Variants in WDFY1 observed in about 807,000 individuals in gnomAD.
WDFY1 encodes the protein WD repeat and FYVE domain containing 1.
WDFY1 carries 32 observed loss-of-function variants against 56.4 expected under a neutral mutation model. That is an observed-to-expected ratio of 0.57 (90% CI 0.43 to 0.76). WDFY1 has a LOEUF of 0.76. Ranked by LOEUF, WDFY1 falls within the 30% of genes least tolerant of loss-of-function variation. The pLI is 0.00. For missense variants in WDFY1, 480 were observed against 545.7 expected, an observed-to-expected ratio of 0.88 and a Z score of 1.20; for synonymous variants, 192 against 197.3, an observed-to-expected ratio of 0.97 and a Z score of 0.23.
intron 2 of WDFY1, among the ~76,000 whole-genome samples, chr2:223,913,212 C>CAAAAAAA (rs60874770): frequency 5.0e-5 from 3 of 59,796 alleles, no homozygotes; most frequent in Non-Finnish European, 8.6e-5. Flanking sequence ...AACTCCATCT[C>CAAAAAAA]AAAAAAAAAA....
At position 223,875,594 on chromosome 2, in the gene WDFY1, CAATT is replaced by C. The variant is rs1692954755; in HGVS notation, c.*3073_*3076del. The C allele has an allele frequency of 2.6e-5, 4 of 152,148 alleles. No homozygotes were observed. The highest frequency in any genetic ancestry group is 2.6e-4 in the Admixed American group (4 of 15,270). 9.4% of individuals were successfully genotyped at this position (152,148 alleles called of 1,614,324 possible). A position where few individuals can be genotyped will look rare whatever the true frequency, so the allele number is the denominator to read the frequency against. On this transcript the variant is annotated 3_prime_UTR_variant, in exon 12 of 12. Coordinates refer to ENST00000233055, the MANE Select transcript of WDFY1 (RefSeq NM_020830.5). Reference sequence around the variant, plus strand: ...TGTACTCTAATACAAATTTGTTGCACAATTAAACTTCAACTTACTCAAAGAGTTA... The same window carrying C: ...TGTACTCTAATACAAATTTGTTGCACAAACTTCAACTTACTCAAAGAGTTA...
chr2:223,886,236 G>A (rs1480295022), intron 8 of WDFY1, among the ~76,000 whole-genome samples: 1 of 152,074 alleles, frequency 6.6e-6, no homozygotes, highest in Non-Finnish European at 1.5e-5. Flanking sequence ...CTACTTGGGA[G>A]GCTGAGGCAG....
Position 223,918,004 on chromosome 2 carries a change from G to T in WDFY1, c.144C>A (p.Ile48=). The stretch of plus-strand genomic sequence containing the variant: ...CACTGTCTCTTTTCAGCCATACCCG[G>T]ATGGTTCTGTGGAGAAAAGAAAAGA... The part of the protein sequence containing the change: ...GVITASEDRT[I]RVWLKRDSGQ... Residue 48 remains isoleucine (I), a synonymous_variant, in exon 2 of 12, where the codon ATC becomes ATA. Coordinates refer to ENST00000233055, the MANE Select transcript of WDFY1 (RefSeq NM_020830.5). 5 of 1,613,962 alleles carry T rather than the reference G, an allele frequency of 3.1e-6. No individual in the cohort carries two copies. The highest frequency in any genetic ancestry group is 4.2e-6 in the Non-Finnish European group (5 of 1,179,966).
intron 8 of WDFY1, among the ~76,000 whole-genome samples, chr2:223,887,556 A>G (rs1028017080): frequency 6.6e-6 from 1 of 152,248 alleles, no homozygotes; most frequent in Non-Finnish European, 1.5e-5. Context: ...CCTGACTTGC[A>G]AACTTGCCCA....
At chr2:223,923,337 A>G (rs1038184420) in intron 1 of WDFY1, among the ~76,000 whole-genome samples, 3 of 152,222 alleles carry the variant, frequency 2.0e-5, no homozygotes, top group Admixed American at 6.5e-5. Flanking sequence ...AAATAGTTTT[A>G]AGTTGGGCCA....
At chr2:223,936,512 G>A (rs1574783202) in intron 1 of WDFY1, among the ~76,000 whole-genome samples, 1 of 152,162 alleles carries the variant, frequency 6.6e-6, no homozygotes, top group African/African-American at 2.4e-5. Flanking sequence ...CAGTTAATAG[G>A]CTTTGAAAAA....
chr2:223,896,315 A>C (rs992791487), intron 6 of WDFY1, among the ~76,000 whole-genome samples: 1 of 143,254 alleles, frequency 7.0e-6, no homozygotes, highest in Non-Finnish European at 1.5e-5. Flanking sequence ...AAAACCAGTA[A>C]AGTTTACTGT....
intron 2 of WDFY1, among the ~76,000 whole-genome samples, chr2:223,915,459 T>C (rs760627163): frequency 3.9e-5 from 6 of 152,164 alleles, no homozygotes; most frequent in Non-Finnish European, 8.8e-5. Context: ...AATTACAAAG[T>C]TGTACTATTT....
At chr2:223,945,009 C>T (rs915847805) in intron 1 of WDFY1, 139 bp downstream of exon 1, 47 of 1,021,738 alleles carry the variant, frequency 4.6e-5, no homozygotes, top group Non-Finnish European at 5.8e-5. Flanking sequence ...CCCGGCGGAG[C>T]TAAGGGGCGC....
rs776156042 is a variant in WDFY1 at position 223,880,246 on chromosome 2, A to G, written c.1065-14T>C. 6.2e-7 allele frequency: 1 copy of G among 1,612,246 alleles called. No individual in the cohort carries two copies. Among genetic ancestry groups the G allele is most frequent in the Non-Finnish European group, 8.5e-7 (1 of 1,178,552 alleles). On this transcript the variant is annotated splice_polypyrimidine_tract_variant and intron_variant, in intron 10 of 11. Coordinates refer to ENST00000233055, the MANE Select transcript of WDFY1 (RefSeq NM_020830.5). ...AGAGAAGTCCGACTAACAAGAGAAA[A>G]GAGATCACTGAAAATTTACTTGACT...
chr2:223,934,081 CTTTTTT>C (rs201021204), intron 1 of WDFY1, among the ~76,000 whole-genome samples: 1,820 of 136,022 alleles, frequency 0.013, 20 homozygotes, highest in African/African-American at 0.045. Context: ...TTTTTCTTTT[CTTTTTT>C]TTTTTTTTTT....
intron 8 of WDFY1, among the ~76,000 whole-genome samples, chr2:223,892,014 G>T (rs999573713): frequency 2.0e-5 from 3 of 151,924 alleles, no homozygotes; most frequent in Non-Finnish European, 4.4e-5. Context: ...TTTGCTCGTC[G>T]CCCAGGTTGG....
intron 9 of WDFY1, among the ~76,000 whole-genome samples, 155 bp from the exon 10 acceptor site, chr2:223,882,227 G>A (rs1693085434): frequency 6.6e-6 from 1 of 152,164 alleles, no homozygotes; most frequent in Admixed American, 6.5e-5. Context: ...CAATTCTCCT[G>A]CCTCAGCCTC....
intron 8 of WDFY1, among the ~76,000 whole-genome samples, chr2:223,889,593 C>T (rs1232950919): frequency 6.6e-6 from 1 of 152,188 alleles, no homozygotes; most frequent in Admixed American, 6.5e-5. Flanking sequence ...TAAGACATGA[C>T]TTTGCTCCTC....
chr2:223,875,725 A>G lies in WDFY1; in HGVS notation c.*2946T>C, dbSNP rs1399439298. 6.6e-6 allele frequency: 1 copy of G among 152,244 alleles called. No homozygotes were observed. The highest frequency in any genetic ancestry group is 2.4e-5 in the African/African-American group (1 of 41,478). The allele number at this position is 152,244 out of a possible 1,614,324, so 9.4% of individuals were successfully genotyped here. A position where few individuals can be genotyped will look rare whatever the true frequency, so the allele number is the denominator to read the frequency against. ...TGAATAAATATAGCATGTATTACTT[A>G]TTTGTTAAGCCTTACACTTACGATG... On this transcript the variant is annotated 3_prime_UTR_variant, in exon 12 of 12. Transcript: ENST00000233055.
intron 3 of WDFY1, among the ~76,000 whole-genome samples, chr2:223,908,603 T>C (rs1379862087): frequency 6.6e-6 from 1 of 152,182 alleles, no homozygotes; most frequent in African/African-American, 2.4e-5. Flanking sequence ...GACATTTCCC[T>C]AGGAATGTGA....
rs1362169218 is a variant in WDFY1, at chr2:223,906,205, T to C, written c.280-204A>G. Among the ~76,000 whole-genome samples the C allele has an allele frequency of 2.0e-5, 3 of 152,220 alleles. No individual in the cohort carries two copies. Among genetic ancestry groups the C allele is most frequent in the East Asian group, 1.9e-4 (1 of 5,198 alleles). On this transcript the variant is annotated intron_variant, in intron 3 of 11. Coordinates refer to ENST00000233055, the MANE Select transcript of WDFY1 (RefSeq NM_020830.5). ...ACATTGTTTGGGAGAACAGACCGAA[T>C]TGAATAAAGTAAGTGCTGCTGATCA...
chr2:223,905,113 T>G (rs999124719), intron 4 of WDFY1, among the ~76,000 whole-genome samples: 1 of 152,198 alleles, frequency 6.6e-6, no homozygotes, highest in African/African-American at 2.4e-5. Flanking sequence ...TTGAGAACTT[T>G]CTTGACTATA....
intron 11 of WDFY1, among the ~76,000 whole-genome samples, chr2:223,879,693 CTTCAT>C (rs1221112776): frequency 2.6e-5 from 4 of 152,002 alleles, no homozygotes; most frequent in African/African-American, 9.7e-5. Context: ...GTATAAAACA[CTTCAT>C]TTCAATTTAT....
Sources: allele counts gnomAD v4.1 joint callset (sites outside exome capture counted in the v4.1 genomes callset), GRCh38; gene constraint gnomAD v4.1.1; transcripts MANE v1.5; gene names NCBI Gene and HGNC (gene_info 2026-07-23, HGNC 2026-07-21).